Variants in UMAD1 observed in about 807,000 individuals in gnomAD.
UMAD1 encodes UBAP1-MVB12-associated (UMA)-domain containing protein 1.
Under a neutral mutation model 6.1 loss-of-function variants are expected in UMAD1, and 8 were observed. That is an observed-to-expected ratio of 1.30 (90% confidence interval 0.76 to 2.35). UMAD1 has a LOEUF of 2.35. UMAD1 is among the 30% of genes most tolerant of loss of function. The pLI is 0.00. For missense variants in UMAD1, 130 were observed against 78.4 expected (o/e 1.66, Z -2.49); for synonymous variants, 56 against 31.4 (o/e 1.78, Z -2.61).
At chr7:7,855,725 T>G (rs1448945923) in intron 3 of UMAD1, among the ~76,000 whole-genome samples, 1 of 152,250 alleles carries the variant, frequency 6.6e-6, no homozygotes, top group Admixed American at 6.5e-5. Context: ...TTCTCATTAC[T>G]TATGCAAGTT....
chr7:7,778,226 T>TTGTG lies in UMAD1; in HGVS notation c.83-23397_83-23394dup, dbSNP rs61647575. 6.4e-3 allele frequency among the ~76,000 whole-genome samples: 807 copies of TTGTG among 126,388 alleles called. 5 individuals carry two copies. Among genetic ancestry groups the TTGTG allele is most frequent in the South Asian group, 0.011 (41 of 3,604 alleles). 82.9% of individuals were successfully genotyped at this position (126,388 alleles called of 152,430 possible). ...CATCTTGGCTTCTCCAAAACTGGTT[T>TTGTG]TGTGTGTGTGTGTGTGTGTGTGTGT... On this transcript the variant is annotated intron_variant, in intron 2 of 3. Coordinates refer to ENST00000682710, the MANE Select transcript of UMAD1 (RefSeq NM_001302348.2).
At chr7:7,746,274 G>A (rs1052047293) in intron 2 of UMAD1, among the ~76,000 whole-genome samples, 2 of 152,192 alleles carry the variant, frequency 1.3e-5, no homozygotes, top group South Asian at 4.1e-4. Context: ...AAATGATAGA[G>A]GGAAGCACTT....
At chr7:7,784,729 G>A (rs925280957) in intron 2 of UMAD1, among the ~76,000 whole-genome samples, 2 of 138,276 alleles carry the variant, frequency 1.4e-5, no homozygotes, top group Non-Finnish European at 3.2e-5. Context: ...ATCTGAATAT[G>A]TTTTACATTA....
intron 2 of UMAD1, among the ~76,000 whole-genome samples, chr7:7,739,360 G>A (rs1418825121): frequency 6.6e-6 from 1 of 152,146 alleles, no homozygotes; most frequent in Non-Finnish European, 1.5e-5. Context: ...CCTTAGGTGA[G>A]ATTTGGTATT....
rs1356030003 is a variant in UMAD1 at position 7,747,495 on chromosome 7, T to C, written c.83-54175T>C. 2.0e-5 allele frequency among the ~76,000 whole-genome samples: 3 copies of C among 152,208 alleles called. No individual in the cohort carries two copies. The South Asian group carries it at 6.2e-4, about 32-fold the overall frequency. On this transcript the variant is annotated intron_variant, in intron 2 of 3. Coordinates refer to ENST00000682710, the MANE Select transcript of UMAD1 (RefSeq NM_001302348.2). ...GTCAAGGTCACAGAGTAGTAGAGGATGGCTCTCTTTCCATTACAGTGACAG... is the reference window on the plus strand; with the variant it reads ...GTCAAGGTCACAGAGTAGTAGAGGACGGCTCTCTTTCCATTACAGTGACAG...
At chr7:7,852,426 G>A (rs1442986431) in intron 3 of UMAD1, among the ~76,000 whole-genome samples, 1 of 152,078 alleles carries the variant, frequency 6.6e-6, no homozygotes, top group Non-Finnish European at 1.5e-5. Flanking sequence ...CAATCCCCAA[G>A]ATTGCCCCAC....
At chr7:7,787,251 C>T (rs1285960680) in intron 2 of UMAD1, among the ~76,000 whole-genome samples, 1 of 150,888 alleles carries the variant, frequency 6.6e-6, no homozygotes, top group African/African-American at 2.4e-5. Context: ...AGTATATAAA[C>T]CATATATGAT....
In UMAD1 at chr7:7,697,590, GC is replaced by G. The variant is rs149963270; in HGVS notation, c.82+24140del. On this transcript the variant is annotated intron_variant, in intron 2 of 3. Transcript: ENST00000682710. Reference sequence around the variant, plus strand: ...GAAGCACGAATATGTACCTGCTAAAGCCCTTGGGGTGGGCACCTAACTTTAA... The same window carrying G: ...GAAGCACGAATATGTACCTGCTAAAGCCTTGGGGTGGGCACCTAACTTTAA... 7.7e-3 allele frequency among the ~76,000 whole-genome samples: 1,173 copies of G among 152,268 alleles called. 21 individuals are homozygous for G. The highest frequency in any genetic ancestry group is 0.027 in the African/African-American group (1,128 of 41,550).
At chr7:7,686,601 C>G (rs1408612742) in intron 2 of UMAD1, among the ~76,000 whole-genome samples, 1 of 152,170 alleles carries the variant, frequency 6.6e-6, no homozygotes, top group African/African-American at 2.4e-5. Flanking sequence ...AGAGAAACCA[C>G]AACAACAAAT....
intron 2 of UMAD1, among the ~76,000 whole-genome samples, chr7:7,708,727 A>C (rs1002759067): frequency 6.6e-6 from 1 of 152,200 alleles, no homozygotes; most frequent in East Asian, 1.9e-4. Flanking sequence ...GATTTGACTG[A>C]AACGAGCAAC....
At chr7:7,764,967 G>A (rs1269106756) in intron 2 of UMAD1, among the ~76,000 whole-genome samples, 1 of 151,316 alleles carries the variant, frequency 6.6e-6, no homozygotes, top group African/African-American at 2.4e-5. Flanking sequence ...CCTACTACTG[G>A]TGACACCTCT....
chr7:7,689,047 T>A (rs1389636374), intron 2 of UMAD1, among the ~76,000 whole-genome samples: 1 of 152,152 alleles, frequency 6.6e-6, no homozygotes, highest in Non-Finnish European at 1.5e-5. Flanking sequence ...TTCCTTTACT[T>A]CCCTACCTCT....
chr7:7,745,278 T>C (rs1781550406), intron 2 of UMAD1, among the ~76,000 whole-genome samples: 1 of 152,148 alleles, frequency 6.6e-6, no homozygotes, highest in Admixed American at 6.5e-5. Context: ...AATACACGTA[T>C]AGTGTACACC....
At chr7:7,876,052 C>CA (rs2115346278) in intron 3 of UMAD1, among the ~76,000 whole-genome samples, 1 of 151,966 alleles carries the variant, frequency 6.6e-6, no homozygotes, top group South Asian at 2.1e-4. Context: ...GACTCTGTCT[C>CA]AAAAAAATAA....
chr7:7,714,934 A>T (rs1780859470), intron 2 of UMAD1, among the ~76,000 whole-genome samples: 1 of 150,394 alleles, frequency 6.6e-6, no homozygotes, highest in Non-Finnish European at 1.5e-5. Context: ...GAACAGGGGC[A>T]CTAGAATTAA....
At chr7:7,695,133 A>G (rs1162875494) in intron 2 of UMAD1, among the ~76,000 whole-genome samples, 2 of 152,164 alleles carry the variant, frequency 1.3e-5, no homozygotes. Flanking sequence ...TTCTCTGATG[A>G]TCAGTAATGT....
intron 2 of UMAD1, among the ~76,000 whole-genome samples, chr7:7,724,618 C>T (rs1222209433): frequency 6.6e-6 from 1 of 152,220 alleles, no homozygotes; most frequent in African/African-American, 2.4e-5. Context: ...CCACTCAGCT[C>T]TCCTGTTTGG....
At chr7:7,773,216 A>G (rs1472135226) in intron 2 of UMAD1, among the ~76,000 whole-genome samples, 1 of 152,232 alleles carries the variant, frequency 6.6e-6, no homozygotes, top group African/African-American at 2.4e-5. Flanking sequence ...TACTTTTATA[A>G]TAAAGTTGTG....
chr7:7,845,978 A>G (rs559130010), intron 3 of UMAD1, among the ~76,000 whole-genome samples: 14 of 152,260 alleles, frequency 9.2e-5, no homozygotes, highest in Non-Finnish European at 1.8e-4. Context: ...CTAAGCTTTA[A>G]CACTCTCTTT....
Sources: gnomAD v4.1 joint callset for allele counts (sites outside exome capture counted in the v4.1 genomes callset) on GRCh38, gnomAD v4.1.1 for gene constraint, MANE v1.5 for transcripts, NCBI Gene and HGNC (gene_info 2026-07-23, HGNC 2026-07-21) for gene names.